The following KCTD8 variants were observed in gnomAD, a reference collection of about 807,000 sequenced individuals.
The protein encoded by KCTD8 is potassium channel tetramerization domain containing 8.
A neutral mutation model predicts 31.5 loss-of-function variants in KCTD8; 27 were observed. The observed-to-expected ratio is 0.86, with a 90% CI of 0.63 to 1.18. KCTD8 has a LOEUF of 1.18. Ranked by LOEUF, KCTD8 falls within the 50% of genes most tolerant of loss-of-function variation. The probability of loss-of-function intolerance (pLI) is 0.00; values close to 1 mark genes in which losing one functional copy is unlikely to be tolerated. For synonymous variants in KCTD8, 290 were observed against 280.0 expected (o/e 1.04, Z -0.36); for missense variants, 658 against 647.7 (o/e 1.02, Z -0.17).
At chr4:44,414,026 A>T (rs1721017367) in intron 1 of KCTD8, among the ~76,000 whole-genome samples, 1 of 152,308 alleles carries the variant, frequency 6.6e-6, no homozygotes, top group East Asian at 1.9e-4. Context: ...TTGAGCCTCC[A>T]GAAGAAACCC....
chr4:44,383,543 T>C (rs563127858), intron 1 of KCTD8, among the ~76,000 whole-genome samples: 13 of 151,874 alleles, frequency 8.6e-5, no homozygotes, highest in Non-Finnish European at 1.5e-4. Flanking sequence ...TCAACAACAG[T>C]GGCAAGAATG....
intron 1 of KCTD8, among the ~76,000 whole-genome samples, chr4:44,353,479 A>C (rs1002146469): frequency 1.3e-5 from 2 of 152,078 alleles, no homozygotes; most frequent in African/African-American, 4.8e-5. Flanking sequence ...AGAACAGAGC[A>C]ATTCTACTCT....
chr4:44,198,867 T>C (rs967466213), intron 1 of KCTD8, among the ~76,000 whole-genome samples: 4 of 152,082 alleles, frequency 2.6e-5, no homozygotes, highest in Non-Finnish European at 5.9e-5. Context: ...AGTGGCAAGC[T>C]GGATAAAAAG....
chr4:44,254,641 T>C (rs61466204), intron 1 of KCTD8, among the ~76,000 whole-genome samples: 1 of 151,652 alleles, frequency 6.6e-6, no homozygotes, highest in Non-Finnish European at 1.5e-5. Flanking sequence ...CACTTTTCAA[T>C]TTAGGAGTTT....
chr4:44,340,754 T>C (rs1296826803), intron 1 of KCTD8, among the ~76,000 whole-genome samples: 1 of 152,070 alleles, frequency 6.6e-6, no homozygotes, highest in Non-Finnish European at 1.5e-5. Flanking sequence ...CAAGAGCATA[T>C]ACTATATGAT....
intron 1 of KCTD8, among the ~76,000 whole-genome samples, chr4:44,310,312 T>C (rs1717914411): frequency 6.6e-6 from 1 of 152,096 alleles, no homozygotes; most frequent in South Asian, 2.1e-4. Context: ...AATACATAAT[T>C]TCTAGGCCAA....
intron 1 of KCTD8, among the ~76,000 whole-genome samples, chr4:44,205,375 G>A (rs1467249994): frequency 6.6e-6 from 1 of 152,136 alleles, no homozygotes; most frequent in African/African-American, 2.4e-5. Flanking sequence ...GATCAAAAAA[G>A]AATGCACTAT....
At chr4:44,404,013 A>T (rs1287550811) in intron 1 of KCTD8, among the ~76,000 whole-genome samples, 2 of 152,172 alleles carry the variant, frequency 1.3e-5, no homozygotes, top group Non-Finnish European at 2.9e-5. Context: ...TTCTTTAAAG[A>T]GAGCCCTCTG....
intron 1 of KCTD8, among the ~76,000 whole-genome samples, chr4:44,282,705 G>T (rs546961256): frequency 6.6e-6 from 1 of 152,018 alleles, no homozygotes; most frequent in African/African-American, 2.4e-5. Context: ...GAAAGAAAAA[G>T]AGCCTTATTT....
chr4:44,283,216 AT>A (rs1205204688), intron 1 of KCTD8, among the ~76,000 whole-genome samples: 2 of 151,792 alleles, frequency 1.3e-5, no homozygotes. Flanking sequence ...TGCCCGGCTA[AT>A]TTTTGTATTT....
intron 1 of KCTD8, among the ~76,000 whole-genome samples, chr4:44,206,403 C>T (rs1381406920): frequency 1.3e-5 from 2 of 152,184 alleles, no homozygotes; most frequent in African/African-American, 4.8e-5. Context: ...CAGCCCCAGC[C>T]ACATGCCCAC....
intron 1 of KCTD8, among the ~76,000 whole-genome samples, chr4:44,279,255 A>T (rs1716833142): frequency 6.6e-6 from 1 of 152,064 alleles, no homozygotes; most frequent in African/African-American, 2.4e-5. Context: ...GTGGCTCAAC[A>T]AGGTTATCTG....
At chr4:44,263,545 T>C (rs1716245109) in intron 1 of KCTD8, among the ~76,000 whole-genome samples, 1 of 152,114 alleles carries the variant, frequency 6.6e-6, no homozygotes, top group Non-Finnish European at 1.5e-5. Flanking sequence ...TGTTTGATGT[T>C]AGAAAGAAGA....
intron 1 of KCTD8, among the ~76,000 whole-genome samples, chr4:44,282,212 A>T (rs1716922189): frequency 6.6e-6 from 1 of 151,972 alleles, no homozygotes; most frequent in South Asian, 2.1e-4. Flanking sequence ...CCAGTAGCAC[A>T]TCCTCACTTT....
chr4:44,250,275 C>T (rs887597180), intron 1 of KCTD8, among the ~76,000 whole-genome samples: 18 of 151,674 alleles, frequency 1.2e-4, no homozygotes. Context: ...TCTGTGTCCT[C>T]ATATCTTGCC....
intron 1 of KCTD8, among the ~76,000 whole-genome samples, chr4:44,434,656 A>G (rs966920653): frequency 6.6e-6 from 1 of 151,926 alleles, no homozygotes. Flanking sequence ...TGAACAAAAA[A>G]AGAAAGCACT....
chr4:44,344,172 T>C (rs1259440313), intron 1 of KCTD8, among the ~76,000 whole-genome samples: 1 of 149,216 alleles, frequency 6.7e-6, no homozygotes, highest in South Asian at 2.1e-4. Context: ...TACAGGTTTT[T>C]TAATTAATTA....
chr4:44,440,517 T>C (rs948744575), intron 1 of KCTD8, among the ~76,000 whole-genome samples: 2 of 152,226 alleles, frequency 1.3e-5, no homozygotes, highest in African/African-American at 4.8e-5. Context: ...CTTATTCATA[T>C]GTGTATGTCT....
chr4:44,195,296 C>T (rs1303431715), intron 1 of KCTD8, among the ~76,000 whole-genome samples: 1 of 151,832 alleles, frequency 6.6e-6, no homozygotes, highest in African/African-American at 2.4e-5. Flanking sequence ...TTATGATTTA[C>T]AATATAGTTA....
Sources: allele counts gnomAD v4.1 joint callset (sites outside exome capture counted in the v4.1 genomes callset), GRCh38; gene constraint gnomAD v4.1.1; transcripts MANE v1.5; gene names NCBI Gene and HGNC (gene_info 2026-07-23, HGNC 2026-07-21).